Variants in PLXNA4 observed in about 807,000 individuals in gnomAD.
PLXNA4 encodes plexin A4.
In PLXNA4, 44 loss-of-function variants were observed where a neutral mutation model predicts 191.8. The ratio of observed to expected loss-of-function variants is 0.23; its 90% confidence interval spans 0.18 to 0.29. PLXNA4 has a LOEUF of 0.29. Among genes scored for constraint, PLXNA4 ranks in the 10% least tolerant of loss-of-function variants. The probability of loss-of-function intolerance (pLI) is 1.00; values close to 1 mark genes in which losing one functional copy is unlikely to be tolerated. For synonymous variants in PLXNA4, 1,082 were observed against 1,009.5 expected (o/e 1.07, Z -1.36); for missense variants, 1,800 against 2,488.8 (o/e 0.72, Z 5.89).
intron 3 of PLXNA4, among the ~76,000 whole-genome samples, chr7:132,477,520 GTTA>G (rs1473115187): frequency 2.6e-5 from 4 of 152,294 alleles, no homozygotes; most frequent in African/African-American, 9.6e-5. Flanking sequence ...AATAGCCTTC[GTTA>G]TTGTTGTTGT....
intron 3 of PLXNA4, among the ~76,000 whole-genome samples, chr7:132,382,940 G>A (rs768670277): frequency 2.6e-4 from 39 of 152,136 alleles, no homozygotes; most frequent in Admixed American, 3.9e-4. Flanking sequence ...ACTTTTTTGC[G>A]TGTCTATGTC....
At chr7:132,515,717 A>G (rs924539742) in intron 1 of PLXNA4, among the ~76,000 whole-genome samples, 1 of 152,220 alleles carries the variant, frequency 6.6e-6, no homozygotes, top group Non-Finnish European at 1.5e-5. Flanking sequence ...GCACCAGCAG[A>G]GCTCTTGGGA....
chr7:132,347,667 G>A (rs757666328), intron 3 of PLXNA4, among the ~76,000 whole-genome samples: 1 of 152,184 alleles, frequency 6.6e-6, no homozygotes, highest in African/African-American at 2.4e-5. Context: ...ACAAGCAGTT[G>A]TGTGCTCCGA....
chr7:132,299,824 A>G (rs1397588009), intron 3 of PLXNA4, among the ~76,000 whole-genome samples: 2 of 152,198 alleles, frequency 1.3e-5, no homozygotes, highest in Non-Finnish European at 2.9e-5. Flanking sequence ...GCTCAAGCCA[A>G]TCAACGTGAA....
intron 3 of PLXNA4, among the ~76,000 whole-genome samples, chr7:132,334,709 C>G (rs1048965800): frequency 9.9e-5 from 15 of 152,154 alleles, no homozygotes; most frequent in Non-Finnish European, 4.4e-5. Context: ...GGAATGGCGG[C>G]CCCTAAAGCC....
chr7:132,298,121 G>C lies in PLXNA4; in HGVS notation c.1473C>G (p.His491Gln). 1 of 1,614,172 alleles carries C rather than the reference G, an allele frequency of 6.2e-7. No homozygotes were observed. The highest frequency in any genetic ancestry group is 8.5e-7 in the Non-Finnish European group (1 of 1,180,034). The stretch of plus-strand genomic sequence containing the variant: ...TCTCTGACATGATGTAGAGTTGCTC[G>C]TGGTCCTTGGAGAAGGCCATATCCC... ...VLRDMAFSKD[H>Q]EQLYIMSERQ... is the part of the protein sequence containing the mutation. The change falls in exon 4 of 32, where the codon CAC becomes CAG. Residue 491 changes from histidine (H) to glutamine (Q), a missense_variant. By Grantham distance (24) the His-to-Gln change is conservative. This residue lies in a region of PLXNA4 where 1,397 missense variants were observed against 1,880.4 expected (regional missense o/e 0.74). Transcript: ENST00000321063.
At position 132,554,518 on chromosome 7, in the gene PLXNA4, G is replaced by A. The variant is rs1260712338; in HGVS notation, c.-87+21904C>T. On this transcript the variant is annotated intron_variant, in intron 1 of 31. Transcript: ENST00000321063. ...CAGTGGTTCTTTCCTCTCTCAGCCCGAGTGTTGCTGGGAATAATGCAATGT... is the reference window on the plus strand; with the variant it reads ...CAGTGGTTCTTTCCTCTCTCAGCCCAAGTGTTGCTGGGAATAATGCAATGT... 3.3e-5 allele frequency among the ~76,000 whole-genome samples: 5 copies of A among 152,304 alleles called. No individual in the cohort carries two copies. The South Asian group carries it at 6.2e-4, about 19-fold the overall frequency.
At chr7:132,605,139 T>C (rs1283680100) in intron 2 of PLXNA4, among the ~76,000 whole-genome samples, 1 of 152,220 alleles carries the variant, frequency 6.6e-6, no homozygotes, top group African/African-American at 2.4e-5. Context: ...ACTGTTCTTA[T>C]CCACATTTTA....
chr7:132,274,246 AGTG>A (rs1257609269), intron 4 of PLXNA4, among the ~76,000 whole-genome samples: 1 of 151,704 alleles, frequency 6.6e-6, no homozygotes, highest in Non-Finnish European at 1.5e-5. Flanking sequence ...TCATAAGTGT[AGTG>A]GTAATTACGC....
chr7:132,618,964 A>G (rs1220106488), intron 2 of PLXNA4, among the ~76,000 whole-genome samples: 5 of 152,212 alleles, frequency 3.3e-5, no homozygotes, highest in Admixed American at 2.0e-4. Flanking sequence ...AAATTAAAAA[A>G]TGCAAGAAGA....
chr7:132,154,413 G>GTT (rs56270651), intron 25 of PLXNA4, among the ~76,000 whole-genome samples: 3 of 146,804 alleles, frequency 2.0e-5, no homozygotes, highest in African/African-American at 7.6e-5. Context: ...AAAACGTTCT[G>GTT]TTTTTTTTTT....
intron 5 of PLXNA4, among the ~76,000 whole-genome samples, chr7:132,234,637 TTGGGGGCTTGGC>T (rs1303122866): frequency 2.0e-5 from 3 of 151,190 alleles, no homozygotes; most frequent in Non-Finnish European, 4.4e-5. Flanking sequence ...TGTATGTGTA[TTGGGGGCTTGGC>T]GGGGGGCAGG....
chr7:132,155,551 G>A (rs1381768089), intron 25 of PLXNA4, among the ~76,000 whole-genome samples: 1 of 152,190 alleles, frequency 6.6e-6, no homozygotes, highest in Non-Finnish European at 1.5e-5. Flanking sequence ...ATGCAAACAG[G>A]TACCTACCCT....
chr7:132,600,738 G>A (rs555116125), intron 2 of PLXNA4, among the ~76,000 whole-genome samples: 3 of 152,084 alleles, frequency 2.0e-5, no homozygotes, highest in Middle Eastern at 3.4e-3. Flanking sequence ...ATTACATCTA[G>A]CCTATAATTA....
chr7:132,530,159 C>T (rs563495300), intron 1 of PLXNA4, among the ~76,000 whole-genome samples: 1 of 152,190 alleles, frequency 6.6e-6, no homozygotes, highest in Admixed American at 6.5e-5. Context: ...GAAGACTCAC[C>T]AAGGGCCATG....
chr7:132,590,582 C>T (rs1802588961), intron 2 of PLXNA4, among the ~76,000 whole-genome samples: 1 of 152,112 alleles, frequency 6.6e-6, no homozygotes, highest in African/African-American at 2.4e-5. Flanking sequence ...AGGAAGCATC[C>T]AGCACAGGAG....
At chr7:132,639,402 C>T (rs892277099) in intron 2 of PLXNA4, among the ~76,000 whole-genome samples, 18 of 152,208 alleles carry the variant, frequency 1.2e-4, no homozygotes, top group Non-Finnish European at 2.5e-4. Context: ...CCCAAACTCT[C>T]ACCATCATGA....
At chr7:132,443,182 G>A (rs1795758776) in intron 3 of PLXNA4, among the ~76,000 whole-genome samples, 1 of 152,176 alleles carries the variant, frequency 6.6e-6, no homozygotes, top group African/African-American at 2.4e-5. Flanking sequence ...GCCCAACTGA[G>A]GGATGTTCCT....
chr7:132,315,962 G>A (rs1015150544), intron 3 of PLXNA4, among the ~76,000 whole-genome samples: 1 of 152,190 alleles, frequency 6.6e-6, no homozygotes, highest in African/African-American at 2.4e-5. Context: ...ACCCTTGAAT[G>A]TCTTTCAAAG....
Sources: allele counts gnomAD v4.1 joint callset (sites outside exome capture counted in the v4.1 genomes callset), GRCh38; gene constraint gnomAD v4.1.1; regional missense constraint gnomAD v4.1.1; transcripts MANE v1.5; gene names NCBI Gene and HGNC (gene_info 2026-07-23, HGNC 2026-07-21).